Variants in SPAG16 observed in about 807,000 individuals in gnomAD.
The protein encoded by SPAG16 is sperm associated antigen 16, also known as sperm-associated antigen 16 protein.
SPAG16 carries 86 observed loss-of-function variants against 80.4 expected under a neutral mutation model. That is an observed-to-expected ratio of 1.07 (90% CI 0.90 to 1.28). The LOEUF (loss-of-function observed/expected upper bound fraction) is 1.28. SPAG16 is among the 50% of genes most tolerant of loss of function. The probability of loss-of-function intolerance (pLI) is 0.00; values close to 1 mark genes in which losing one functional copy is unlikely to be tolerated. For synonymous variants in SPAG16, 294 were observed against 265.9 expected (o/e 1.11, Z -1.03); for missense variants, 870 against 765.3 (o/e 1.14, Z -1.61).
At chr2:213,444,986 A>G (rs2071207371) in intron 9 of SPAG16, among the ~76,000 whole-genome samples, 1 of 152,200 alleles carries the variant, frequency 6.6e-6, no homozygotes. Context: ...AAGAACATAT[A>G]TTGGAGAAGG....
intron 10 of SPAG16, among the ~76,000 whole-genome samples, chr2:213,856,958 G>A (rs2075198924): frequency 6.6e-6 from 1 of 152,158 alleles, no homozygotes; most frequent in African/African-American, 2.4e-5. Context: ...GCATAGGATG[G>A]GTGGCTCACA....
intron 12 of SPAG16, among the ~76,000 whole-genome samples, chr2:213,950,043 G>C (rs769442621): frequency 6.6e-6 from 1 of 152,138 alleles, no homozygotes; most frequent in Non-Finnish European, 1.5e-5. Context: ...TAGGTGACAT[G>C]AACTGACACA....
chr2:213,875,108 ATT>A lies in SPAG16; in HGVS notation c.1214+12493_1214+12494del, dbSNP rs5838401. On this transcript the variant is annotated intron_variant, in intron 11 of 15. Coordinates refer to ENST00000331683, the MANE Select transcript of SPAG16 (RefSeq NM_024532.5). ...AGGCACATACTACCACATCAAACTA[ATT>A]TTTTTTTTTTTTGAGACAGGGTCTC... 1.5e-3 allele frequency among the ~76,000 whole-genome samples: 221 copies of A among 145,388 alleles called. No individual in the cohort carries two copies. In the East Asian group the frequency reaches 0.023, roughly 15 times the overall value.
intron 10 of SPAG16, among the ~76,000 whole-genome samples, chr2:213,566,719 G>A (rs929630677): frequency 6.6e-6 from 1 of 152,080 alleles, no homozygotes; most frequent in Non-Finnish European, 1.5e-5. Flanking sequence ...AAATTAAATG[G>A]TCCTTCTGGT....
intron 15 of SPAG16, among the ~76,000 whole-genome samples, chr2:214,233,466 T>C (rs1260946615): frequency 1.3e-5 from 2 of 151,986 alleles, no homozygotes; most frequent in Non-Finnish European, 2.9e-5. Context: ...ATTTGATCTA[T>C]TGCTGTCTAT....
intron 10 of SPAG16, among the ~76,000 whole-genome samples, chr2:213,533,853 CTTAATGCTAGA>C (rs777283390): frequency 5.3e-5 from 8 of 152,018 alleles, no homozygotes; most frequent in Admixed American, 2.0e-4. Context: ...ATGATATTAA[CTTAATGCTAGA>C]ATCATGCAGT....
chr2:214,144,408 A>T (rs6435815), intron 14 of SPAG16, among the ~76,000 whole-genome samples: 4 of 152,056 alleles, frequency 2.6e-5, no homozygotes, highest in Non-Finnish European at 5.9e-5. Flanking sequence ...AAATTTTTCC[A>T]TGTTTTACAT....
At chr2:213,786,971 G>T (rs1024304935) in intron 10 of SPAG16, among the ~76,000 whole-genome samples, 1 of 151,962 alleles carries the variant, frequency 6.6e-6, no homozygotes, top group East Asian at 1.9e-4. Flanking sequence ...AACAAATGAA[G>T]GTTATTTATT....
intron 10 of SPAG16, among the ~76,000 whole-genome samples, chr2:213,696,295 G>A (rs2065149619): frequency 6.6e-6 from 1 of 152,144 alleles, no homozygotes; most frequent in Non-Finnish European, 1.5e-5. Context: ...GCTAAATTTA[G>A]ATGCTTTATT....
intron 13 of SPAG16, among the ~76,000 whole-genome samples, chr2:214,089,968 CTCTG>C (rs2052060983): frequency 6.6e-6 from 1 of 152,018 alleles, no homozygotes; most frequent in Non-Finnish European, 1.5e-5. Flanking sequence ...ACTAACTAGA[CTCTG>C]TACACATATG....
intron 15 of SPAG16, among the ~76,000 whole-genome samples, chr2:214,194,354 C>T (rs1190077575): frequency 6.6e-6 from 1 of 152,052 alleles, no homozygotes; most frequent in Admixed American, 6.6e-5. Context: ...GTATCCTCTT[C>T]CTCATACTTG....
chr2:213,846,940 C>T (rs150196803), intron 10 of SPAG16, among the ~76,000 whole-genome samples: 16 of 152,300 alleles, frequency 1.1e-4, no homozygotes, highest in East Asian at 5.8e-4. Flanking sequence ...CTTCCCATCT[C>T]GTCCAGGCTG....
intron 12 of SPAG16, among the ~76,000 whole-genome samples, chr2:213,942,487 A>G (rs1374343227): frequency 6.6e-6 from 1 of 152,208 alleles, no homozygotes; most frequent in Non-Finnish European, 1.5e-5. Flanking sequence ...CACCAAATCC[A>G]TCAATGATTT....
intron 10 of SPAG16, among the ~76,000 whole-genome samples, chr2:213,651,717 G>C (rs1377316319): frequency 1.3e-5 from 2 of 152,096 alleles, no homozygotes; most frequent in Non-Finnish European, 2.9e-5. Flanking sequence ...ATGTAATTTA[G>C]TCTAGGCAAG....
At chr2:213,703,093 A>T (rs1337765109) in intron 10 of SPAG16, among the ~76,000 whole-genome samples, 2 of 152,216 alleles carry the variant, frequency 1.3e-5, no homozygotes, top group African/African-American at 4.8e-5. Context: ...ACACTTTGCC[A>T]TTCTCTTTTT....
chr2:213,929,276 A>T (rs1417726348), intron 11 of SPAG16, among the ~76,000 whole-genome samples: 1 of 151,996 alleles, frequency 6.6e-6, no homozygotes, highest in African/African-American at 2.4e-5. Flanking sequence ...GGCCACCCAA[A>T]GTGCTGGGAT....
intron 13 of SPAG16, among the ~76,000 whole-genome samples, chr2:214,076,717 G>C (rs1263741157): frequency 6.6e-6 from 1 of 152,134 alleles, no homozygotes; most frequent in East Asian, 1.9e-4. Context: ...GCCTTGGGCT[G>C]TGATCGTGAG....
chr2:214,204,186 G>A (rs1393679718), intron 15 of SPAG16, among the ~76,000 whole-genome samples: 1 of 152,170 alleles, frequency 6.6e-6, no homozygotes, highest in Non-Finnish European at 1.5e-5. Flanking sequence ...TGCCCAAGGA[G>A]AGCCTGAGCT....
chr2:214,335,700 T>C (rs1382290040), intron 15 of SPAG16, among the ~76,000 whole-genome samples: 1 of 151,804 alleles, frequency 6.6e-6, no homozygotes, highest in Non-Finnish European at 1.5e-5. Flanking sequence ...ATGTTTTTCT[T>C]TCCTGTGTTA....
Sources: allele counts gnomAD v4.1 joint callset (sites outside exome capture counted in the v4.1 genomes callset), GRCh38; gene constraint gnomAD v4.1.1; transcripts MANE v1.5; gene names NCBI Gene and HGNC (gene_info 2026-07-23, HGNC 2026-07-21).